PIP5K1C: variants seen among roughly 807,000 people sequenced by gnomAD.
The protein encoded by PIP5K1C is phosphatidylinositol 4-phosphate 5-kinase type-1 gamma.
In PIP5K1C, 45 loss-of-function variants were observed where a neutral mutation model predicts 80.1. The observed-to-expected ratio is 0.56, with a 90% CI of 0.44 to 0.72. The LOEUF (loss-of-function observed/expected upper bound fraction) is 0.72. Ranked by LOEUF, PIP5K1C falls within the 30% of genes least tolerant of loss-of-function variation. The probability of loss-of-function intolerance (pLI) is 0.00; values close to 1 mark genes in which losing one functional copy is unlikely to be tolerated. For missense variants in PIP5K1C, 753 were observed against 954.6 expected, an observed-to-expected ratio of 0.79 and a Z score of 2.78; for synonymous variants, 498 against 420.1, an observed-to-expected ratio of 1.19 and a Z score of -2.27.
At chr19:3,647,983 G>A (rs562634390) in intron 9 of PIP5K1C, among the ~76,000 whole-genome samples, 31 of 151,918 alleles carry the variant, frequency 2.0e-4, no homozygotes, top group Middle Eastern at 3.4e-3. Flanking sequence ...ACAAATATTC[G>A]AGCCCCAAAG....
intron 2 of PIP5K1C, among the ~76,000 whole-genome samples, chr19:3,665,496 G>A (rs1228681420): frequency 2.0e-5 from 3 of 152,116 alleles, no homozygotes; most frequent in South Asian, 2.1e-4. Context: ...AACAGAGCGG[G>A]GGTCAGGCTT....
At chr19:3,698,308 C>A (rs748992384) in intron 1 of PIP5K1C, among the ~76,000 whole-genome samples, 15 of 152,252 alleles carry the variant, frequency 9.9e-5, no homozygotes, top group Non-Finnish European at 1.9e-4. Flanking sequence ...ACTTCACAGA[C>A]GGGACGCTGA....
chr19:3,643,209 C>T, intron 13 of PIP5K1C, 34 bp downstream of exon 13: 1 of 1,610,308 alleles, frequency 6.2e-7, no homozygotes, highest in Non-Finnish European at 8.5e-7. Context: ...ACAGCGGATG[C>T]CCCGCCCACA....
At chr19:3,641,973 C>A (rs1218468186) in intron 14 of PIP5K1C, among the ~76,000 whole-genome samples, 164 bp from the exon 15 acceptor site, 1 of 152,216 alleles carries the variant, frequency 6.6e-6, no homozygotes, top group Non-Finnish European at 1.5e-5. Flanking sequence ...GACTGTCCAC[C>A]TGGGTCCCTT....
intron 11 of PIP5K1C, 99 bp from the exon 12 acceptor site, chr19:3,644,350 C>A: frequency 8.4e-7 from 1 of 1,188,502 alleles, no homozygotes; most frequent in Non-Finnish European, 1.2e-6. Flanking sequence ...TCCCTGTGGC[C>A]CACCAGACCC....
At chr19:3,661,212 C>T (rs575254845) in intron 4 of PIP5K1C, 129 bp from the exon 5 acceptor site, 66 of 628,630 alleles carry the variant, frequency 1.0e-4, no homozygotes, top group Non-Finnish European at 1.5e-4. Context: ...TTCCTTGAAA[C>T]GGCCCAATCC....
chr19:3,659,078 C>T (rs939711467), intron 5 of PIP5K1C, among the ~76,000 whole-genome samples: 1 of 152,190 alleles, frequency 6.6e-6, no homozygotes, highest in African/African-American at 2.4e-5. Flanking sequence ...AGCTACCCCC[C>T]TTACCAGGGG....
At chr19:3,664,727 T>A in intron 3 of PIP5K1C, 95 bp downstream of exon 3, 4 of 1,061,554 alleles carry the variant, frequency 3.8e-6, no homozygotes, top group Non-Finnish European at 5.9e-6. Flanking sequence ...CTGGTTTGTG[T>A]CGGGGGCGAT....
At chr19:3,665,688 C>T (rs921652861) in intron 2 of PIP5K1C, among the ~76,000 whole-genome samples, 1 of 152,148 alleles carries the variant, frequency 6.6e-6, no homozygotes, top group Non-Finnish European at 1.5e-5. Flanking sequence ...GGGTCAGGCC[C>T]GGCTCCTGCA....
chr19:3,661,993 G>T lies in PIP5K1C; in HGVS notation c.228C>A (p.Ser76=). 6.3e-7 allele frequency: 1 copy of T among 1,597,664 alleles called. No homozygotes were observed. ...SGETTYKKTT[S]STLKGAIQLG... ...GCTGGATGGCACCCTTCAGGGTGGA[G>T]GAGGTGGTCTGCAGGGAGACCAGAG... The change falls in exon 4 of 18, where the codon TCC becomes TCA. Residue 76 remains serine (S), a synonymous_variant. Coordinates refer to ENST00000335312, the MANE Select transcript of PIP5K1C (RefSeq NM_012398.3).
At position 3,700,456 on chromosome 19, in the gene PIP5K1C, A is replaced by C; in HGVS notation, c.-66T>G. On this transcript the variant is annotated 5_prime_UTR_variant, in exon 1 of 18. Transcript: ENST00000335312. The stretch of plus-strand genomic sequence containing the variant: ...CGAGCTGCGACCGCCGCCGCCGAAC[A>C]ACAAGCGCCGCCGGCCAAGGGAGGG... The C allele has an allele frequency of 4.5e-6, 4 of 882,530 alleles. No individual in the cohort carries two copies. The highest frequency in any genetic ancestry group is 5.5e-6 in the Non-Finnish European group (4 of 729,986). The allele number at this position is 882,530 out of a possible 1,614,324, so 54.7% of individuals were successfully genotyped here. A position where few individuals can be genotyped will look rare whatever the true frequency, so the allele number is the denominator to read the frequency against.
chr19:3,699,943 G>A (rs1244638621), intron 1 of PIP5K1C, among the ~76,000 whole-genome samples: 1 of 152,338 alleles, frequency 6.6e-6, no homozygotes, highest in Admixed American at 6.5e-5. Flanking sequence ...GTGACATCAG[G>A]AGGTGGGCAC....
chr19:3,658,542 G>A (rs907467275), intron 5 of PIP5K1C, among the ~76,000 whole-genome samples: 20 of 152,238 alleles, frequency 1.3e-4, no homozygotes, highest in African/African-American at 3.1e-4. Flanking sequence ...AGCGCAGAGC[G>A]AAGGCGGGTC....
rs2033718193 is a variant in PIP5K1C at position 3,637,090 on chromosome 19, C to T, written c.1920+1794G>A. 7.8e-7 allele frequency: 1 copy of T among 1,276,358 alleles called. No individual in the cohort carries two copies. Among genetic ancestry groups the T allele is most frequent in the Non-Finnish European group, 9.9e-7 (1 of 1,005,958 alleles). 79.1% of individuals were successfully genotyped at this position (1,276,358 alleles called of 1,614,324 possible). On this transcript the variant is annotated intron_variant, in intron 16 of 17. Coordinates refer to ENST00000335312, the MANE Select transcript of PIP5K1C (RefSeq NM_012398.3). This position sits in a 1 kb window ranked among gnomAD's most constrained non-coding sequence, Gnocchi z 7.0. ...GTCTCCATGGCCCTGCGGTTCAGAG[C>T]CCGGCCCTGCAGCCACTCTGCTGAC...
At chr19:3,697,145 G>T (rs528307417) in intron 1 of PIP5K1C, among the ~76,000 whole-genome samples, 1 of 149,262 alleles carries the variant, frequency 6.7e-6, no homozygotes, top group Non-Finnish European at 1.5e-5. Context: ...TGAGCCGGAC[G>T]AAGGAGAACC....
At chr19:3,675,611 G>A (rs560187059) in intron 1 of PIP5K1C, among the ~76,000 whole-genome samples, 35 of 152,270 alleles carry the variant, frequency 2.3e-4, no homozygotes, top group Non-Finnish European at 4.0e-4. Context: ...GGACAGTCTC[G>A]TCCATGGTGA....
At chr19:3,669,055 G>A (rs1178705842) in intron 1 of PIP5K1C, among the ~76,000 whole-genome samples, 1 of 152,150 alleles carries the variant, frequency 6.6e-6, no homozygotes, top group Non-Finnish European at 1.5e-5. Flanking sequence ...GTGGGTCAGG[G>A]CTGACTCCAC....
Position 3,633,065 on chromosome 19 carries a change from C to A in PIP5K1C, c.*102G>T. On this transcript the variant is annotated 3_prime_UTR_variant, in exon 18 of 18. Transcript: ENST00000335312. ...GACGAGGTCCGGTGGGGCGGCGAGG[C>A]GGGCATCTCCCGAGCTCTGGGCCTC... 1.5e-6 allele frequency: 1 copy of A among 687,236 alleles called. No homozygotes were observed. Among genetic ancestry groups the A allele is most frequent in the Non-Finnish European group, 2.7e-6 (1 of 368,990 alleles). 42.6% of individuals were successfully genotyped at this position (687,236 alleles called of 1,614,324 possible). A position where few individuals can be genotyped will look rare whatever the true frequency, so the allele number is the denominator to read the frequency against.
intron 5 of PIP5K1C, among the ~76,000 whole-genome samples, chr19:3,658,562 G>A (rs1568332085): frequency 6.6e-6 from 1 of 152,238 alleles, no homozygotes; most frequent in Non-Finnish European, 1.5e-5. Context: ...CTCTCCTGGG[G>A]CTGGCGCCCT....
Sources: allele counts gnomAD v4.1 joint callset (sites outside exome capture counted in the v4.1 genomes callset), GRCh38; gene constraint gnomAD v4.1.1; non-coding constraint Gnocchi (gnomAD v3.1); transcripts MANE v1.5; gene names NCBI Gene and HGNC (gene_info 2026-07-23, HGNC 2026-07-21).